The following LIN28B variants were observed in gnomAD, a reference collection of about 807,000 sequenced individuals.
LIN28B encodes protein lin-28 homolog B.
Under a neutral mutation model 21.9 loss-of-function variants are expected in LIN28B, and 5 were observed. The ratio of observed to expected loss-of-function variants is 0.23; its 90% CI spans 0.12 to 0.48. The LOEUF is 0.48. Ranked by LOEUF, LIN28B falls within the 20% of genes least tolerant of loss-of-function variation. The pLI is 0.98. For missense variants in LIN28B, 245 were observed against 310.5 expected (o/e 0.79, Z 1.58); for synonymous variants, 109 against 111.3 (o/e 0.98, Z 0.13).
rs572602005 is a variant in LIN28B at position 104,993,865 on chromosome 6, A to G, written c.199-32433A>G. Among the ~76,000 whole-genome samples the G allele has an allele frequency of 3.3e-5, 5 of 152,022 alleles. No homozygotes were observed. The East Asian group carries it at 9.7e-4, about 29-fold the overall frequency. ...AAAAAAAAAAAAGTTAAGACCCTTA[A>G]TTTTGTGAGCGTCAGTACAAATAAT... On this transcript the variant is annotated intron_variant, in intron 2 of 3. Coordinates refer to ENST00000345080, the MANE Select transcript of LIN28B (RefSeq NM_001004317.4).
chr6:105,001,496 G>A (rs535804464), intron 2 of LIN28B, among the ~76,000 whole-genome samples: 1 of 152,218 alleles, frequency 6.6e-6, no homozygotes, highest in South Asian at 2.1e-4. Context: ...ACTAATAATC[G>A]CTATTTATAT....
intron 3 of LIN28B, among the ~76,000 whole-genome samples, chr6:105,029,195 C>G (rs1015535143): frequency 2.0e-5 from 3 of 152,134 alleles, no homozygotes; most frequent in Non-Finnish European, 2.9e-5. Flanking sequence ...CAAGTTTAGA[C>G]AATCTTTTGA....
intron 2 of LIN28B, among the ~76,000 whole-genome samples, chr6:104,979,838 A>T (rs899128897): frequency 6.6e-6 from 1 of 152,192 alleles, no homozygotes; most frequent in Non-Finnish European, 1.5e-5. Context: ...AAAAATGAGT[A>T]AACCTGATAT....
At chr6:104,998,903 A>G (rs1017886825) in intron 2 of LIN28B, among the ~76,000 whole-genome samples, 1 of 152,200 alleles carries the variant, frequency 6.6e-6, no homozygotes, top group Non-Finnish European at 1.5e-5. Context: ...CTAGACTTAA[A>G]TAGCTTGTAG....
chr6:105,000,577 A>G (rs1261306555), intron 2 of LIN28B, among the ~76,000 whole-genome samples: 1 of 152,128 alleles, frequency 6.6e-6, no homozygotes, highest in African/African-American at 2.4e-5. Flanking sequence ...AGACCTTTTT[A>G]TATAAAAGAG....
In LIN28B at chr6:105,078,410, G is replaced by A; in HGVS notation, c.384-4G>A. The A allele has an allele frequency of 3.2e-6, 5 of 1,582,172 alleles. No individual in the cohort carries two copies. The highest frequency in any genetic ancestry group is 1.1e-5 in the South Asian group (1 of 88,244). On this transcript the variant is annotated splice_polypyrimidine_tract_variant and splice_region_variant and intron_variant, in intron 3 of 3. Coordinates refer to ENST00000345080, the MANE Select transcript of LIN28B (RefSeq NM_001004317.4). ...TAAGATGTTTTCATCTTTTTTCCTT[G>A]TAGATGCTACAACTGTGGTGGCCTT...
intron 2 of LIN28B, among the ~76,000 whole-genome samples, chr6:104,979,539 A>G (rs978049610): frequency 2.6e-5 from 4 of 151,982 alleles, no homozygotes; most frequent in South Asian, 2.1e-4. Flanking sequence ...CCATTATTCT[A>G]TCACTCAGAG....
intron 2 of LIN28B, among the ~76,000 whole-genome samples, chr6:104,986,532 CA>C (rs71003463): frequency 0.04 from 5,535 of 139,808 alleles, 197 homozygotes; most frequent in African/African-American, 0.098. Flanking sequence ...TCATTTCTAC[CA>C]AAAAAAAAAA....
intron 2 of LIN28B, among the ~76,000 whole-genome samples, chr6:104,962,252 A>AT (rs1417245864): frequency 6.6e-6 from 1 of 152,084 alleles, no homozygotes; most frequent in African/African-American, 2.4e-5. Context: ...TAATGTATGT[A>AT]TCTCTTTTTT....
upstream of LIN28B, among the ~76,000 whole-genome samples, chr6:104,956,622 A>G (rs952480051): frequency 1.3e-5 from 2 of 152,208 alleles, no homozygotes; most frequent in Non-Finnish European, 2.9e-5. Flanking sequence ...TATAAATTAT[A>G]TATTTTCCTC....
In LIN28B at chr6:105,078,551, C is replaced by T. The variant is rs201716597; in HGVS notation, c.521C>T (p.Ala174Val). The T allele has an allele frequency of 4.8e-5, 78 of 1,614,044 alleles. No homozygotes were observed. The highest frequency in any genetic ancestry group is 4.2e-4 in the Admixed American group (25 of 60,010). The change falls in exon 4 of 4, where the codon GCG becomes GTG. Residue 174 changes from alanine to valine, a missense_variant. Transcript: ENST00000345080. ...CPHKNVAQPP[A>V]SSQGRQEAES... ...CATAAAAATGTTGCACAGCCACCCGCGAGTTCTCAGGGAAGACAGGAAGCA... is the reference window on the plus strand; with the variant it reads ...CATAAAAATGTTGCACAGCCACCCGTGAGTTCTCAGGGAAGACAGGAAGCA...
chr6:105,076,855 C>T (rs1426950106), intron 3 of LIN28B, among the ~76,000 whole-genome samples: 3 of 152,000 alleles, frequency 2.0e-5, no homozygotes, highest in South Asian at 4.2e-4. Flanking sequence ...CCGCCTGTCT[C>T]GGTCTCCCAA....
At chr6:104,942,080 C>T (rs994937592) in intron 2 of LIN28B, among the ~76,000 whole-genome samples, 3 of 152,118 alleles carry the variant, frequency 2.0e-5, no homozygotes, top group Non-Finnish European at 4.4e-5. Context: ...TTAAGGTTGC[C>T]AAGTGTCACT....
chr6:104,953,118 C>T (rs1166379503), upstream of LIN28B, among the ~76,000 whole-genome samples: 4 of 152,332 alleles, frequency 2.6e-5, no homozygotes, highest in African/African-American at 9.6e-5. Context: ...GGCGGGTCGG[C>T]GGCTTTCAGG....
intron 2 of LIN28B, among the ~76,000 whole-genome samples, chr6:104,994,830 G>A (rs984559956): frequency 2.0e-5 from 3 of 152,140 alleles, no homozygotes; most frequent in Non-Finnish European, 2.9e-5. Context: ...TTGAAAGGTC[G>A]GCTTTAAACT....
At chr6:105,058,035 AC>A in intron 3 of LIN28B, 1 of 378,964 alleles carries the variant, frequency 2.6e-6, no homozygotes, top group Non-Finnish European at 5.1e-6. Context: ...GATTTTTTTA[AC>A]CAGAAATTCA....
chr6:105,052,023 G>A (rs1771916950), intron 3 of LIN28B, among the ~76,000 whole-genome samples: 1 of 152,208 alleles, frequency 6.6e-6, no homozygotes, highest in East Asian at 1.9e-4. Context: ...CTGAAGAGAT[G>A]ACATCTGAGC....
At chr6:104,971,675 TAA>T in intron 2 of LIN28B, among the ~76,000 whole-genome samples, 1 of 152,206 alleles carries the variant, frequency 6.6e-6, no homozygotes, top group Non-Finnish European at 1.5e-5. Flanking sequence ...TCATTGACAT[TAA>T]AATTTACAGC....
intron 2 of LIN28B, among the ~76,000 whole-genome samples, chr6:104,991,182 C>T (rs962938632): frequency 1.4e-5 from 2 of 145,428 alleles, no homozygotes; most frequent in South Asian, 2.3e-4. Flanking sequence ...GGCGGCCAGG[C>T]GGAGACGCCC....
Sources: allele counts gnomAD v4.1 joint callset (sites outside exome capture counted in the v4.1 genomes callset), GRCh38; gene constraint gnomAD v4.1.1; transcripts MANE v1.5; gene names NCBI Gene and HGNC (gene_info 2026-07-23, HGNC 2026-07-21).